Variants in TMEM38B observed in about 807,000 individuals in gnomAD.
The protein encoded by TMEM38B is trimeric intracellular cation channel type B.
In TMEM38B, 24 loss-of-function variants were observed where a neutral mutation model predicts 28.7. The observed-to-expected ratio is 0.84, with a 90% CI of 0.61 to 1.18. The LOEUF is 1.18. TMEM38B is among the 50% of genes most tolerant of loss of function. TMEM38B has a pLI of 0.00. For missense variants in TMEM38B, 380 were observed against 350.9 expected, an observed-to-expected ratio of 1.08 and a Z score of -0.66; for synonymous variants, 131 against 127.7, an observed-to-expected ratio of 1.03 and a Z score of -0.17.
intron 1 of TMEM38B, among the ~76,000 whole-genome samples, chr9:105,697,629 T>C (rs563056273): frequency 2.2e-4 from 34 of 152,322 alleles, no homozygotes; most frequent in African/African-American, 8.2e-4. Flanking sequence ...CTATTTACTG[T>C]CTTTGTGGAT....
intron 5 of TMEM38B, among the ~76,000 whole-genome samples, chr9:105,750,680 A>G (rs1468696529): frequency 6.6e-6 from 1 of 152,118 alleles, no homozygotes; most frequent in Admixed American, 6.5e-5. Context: ...CTCTTTTATT[A>G]TGTATTCTTT....
At chr9:105,748,645 G>T (rs1177779392) in intron 5 of TMEM38B, among the ~76,000 whole-genome samples, 1 of 152,136 alleles carries the variant, frequency 6.6e-6, no homozygotes, top group African/African-American at 2.4e-5. Context: ...AGATAGGTTA[G>T]AGACAGGCAG....
chr9:105,706,308 G>T (rs1244201641), intron 2 of TMEM38B, among the ~76,000 whole-genome samples: 1 of 152,128 alleles, frequency 6.6e-6, no homozygotes, highest in East Asian at 1.9e-4. Flanking sequence ...TTTTGTTGTT[G>T]TTGAGACATA....
intron 5 of TMEM38B, among the ~76,000 whole-genome samples, chr9:105,750,427 C>T (rs757913351): frequency 8.6e-5 from 13 of 151,968 alleles, no homozygotes; most frequent in Non-Finnish European, 1.6e-4. Flanking sequence ...AGTTTGAGAC[C>T]AGACTAGCCA....
intron 3 of TMEM38B, 97 bp downstream of exon 3, chr9:105,721,818 C>T (rs1380058204): frequency 2.1e-6 from 2 of 945,908 alleles, no homozygotes; most frequent in Non-Finnish European, 3.0e-6. Flanking sequence ...GGATCACATA[C>T]TTTAATAACA....
chr9:105,722,624 A>G lies in TMEM38B; in HGVS notation c.542+3A>G. The G allele has an allele frequency of 6.2e-7, 1 of 1,611,022 alleles. No homozygotes were observed. Among genetic ancestry groups the G allele is most frequent in the Non-Finnish European group, 8.5e-7 (1 of 1,177,432 alleles). On this transcript the variant is annotated splice_donor_region_variant and intron_variant, in intron 4 of 5. Transcript: ENST00000374692. ...GATGAATGGCTGAAGATGTCATAGT[A>G]AGTTGGTATAAATTATACTGAGACC...
At chr9:105,707,917 A>C (rs866407887) in intron 2 of TMEM38B, among the ~76,000 whole-genome samples, 40 of 152,190 alleles carry the variant, frequency 2.6e-4, no homozygotes, top group African/African-American at 8.7e-4. Flanking sequence ...CTATAACAAT[A>C]TTTTTAAAAG....
chr9:105,770,101 T>C (rs1826497069), intron 5 of TMEM38B, among the ~76,000 whole-genome samples: 1 of 152,164 alleles, frequency 6.6e-6, no homozygotes, highest in Non-Finnish European at 1.5e-5. Context: ...TGTATACATT[T>C]TATTCATTGA....
chr9:105,697,943 T>C (rs1348635288), intron 1 of TMEM38B, among the ~76,000 whole-genome samples: 1 of 152,190 alleles, frequency 6.6e-6, no homozygotes, highest in South Asian at 2.1e-4. Flanking sequence ...GTTGTATAGA[T>C]GTTCCTTTGC....
rs184465823 is a variant in TMEM38B at position 105,761,920 on chromosome 9, G to A, written c.661-11945G>A. 3.4e-3 allele frequency among the ~76,000 whole-genome samples: 523 copies of A among 152,118 alleles called. 2 individuals are homozygous for A. The highest frequency in any genetic ancestry group is 5.4e-3 in the Non-Finnish European group (365 of 67,992). The stretch of plus-strand genomic sequence containing the variant: ...GCACATTGACTTTATTTTTTCATTA[G>A]AAGAAAATGCTTGCCGAGTATAAAT... On this transcript the variant is annotated intron_variant, in intron 5 of 5. Transcript: ENST00000374692.
rs1588459778 is a variant in TMEM38B at position 105,753,431 on chromosome 9, C to CTG, written c.660+5241_660+5242insTG. Among the ~76,000 whole-genome samples, 3 of 152,044 alleles carry CTG rather than the reference C, an allele frequency of 2.0e-5. No individual in the cohort carries two copies. The East Asian group carries it at 5.8e-4, about 29-fold the overall frequency. The stretch of plus-strand genomic sequence containing the variant: ...CAGCCAGAGAGAAAAACCAGGTCAC[C>CTG]ATCAAAGGGAAACCCAGCAGACTAA... On this transcript the variant is annotated intron_variant, in intron 5 of 5. Coordinates refer to ENST00000374692, the MANE Select transcript of TMEM38B (RefSeq NM_018112.3).
chr9:105,740,300 G>A (rs1588441319), intron 4 of TMEM38B, among the ~76,000 whole-genome samples: 2 of 119,326 alleles, frequency 1.7e-5, no homozygotes, highest in Non-Finnish European at 3.3e-5. Context: ...TTGCTCTGTT[G>A]CCCAGGCCAG....
intron 4 of TMEM38B, 68 bp from the exon 5 acceptor site, chr9:105,748,005 A>G (rs1006686891): frequency 2.1e-5 from 22 of 1,042,732 alleles, no homozygotes; most frequent in African/African-American, 2.1e-4. Flanking sequence ...TTTGCAGTGC[A>G]CTCTTTGAGA....
rs1835625918 is a variant in TMEM38B at position 105,705,577 on chromosome 9, A to AT, written c.113-16dup. ...TAAATGTATAATGATCACAGACCATATTTTACTTTACCATTTCAGGAGCAG... is the reference window on the plus strand; with the variant it reads ...TAAATGTATAATGATCACAGACCATATTTTTACTTTACCATTTCAGGAGCAG... On this transcript the variant is annotated intron_variant, in intron 1 of 5. Coordinates refer to ENST00000374692, the MANE Select transcript of TMEM38B (RefSeq NM_018112.3). 6.2e-7 allele frequency: 1 copy of AT among 1,605,810 alleles called. No individual in the cohort carries two copies. Among genetic ancestry groups the AT allele is most frequent in the Non-Finnish European group, 8.5e-7 (1 of 1,174,950 alleles).
At chr9:105,723,145 G>C (rs948453164) in intron 4 of TMEM38B, among the ~76,000 whole-genome samples, 8 of 152,150 alleles carry the variant, frequency 5.3e-5, no homozygotes, top group African/African-American at 1.7e-4. Context: ...AGAAAGATTA[G>C]AGAAATAACC....
intron 2 of TMEM38B, among the ~76,000 whole-genome samples, chr9:105,715,631 T>G (rs111804431): frequency 4.8e-4 from 73 of 152,272 alleles, no homozygotes; most frequent in Admixed American, 9.8e-4. Flanking sequence ...TTTCTCCTGC[T>G]GTTTCTTTGA....
At chr9:105,747,615 C>T (rs10816318) in intron 4 of TMEM38B, among the ~76,000 whole-genome samples, 31,757 of 152,002 alleles carry the variant, frequency 0.21, 5,126 homozygotes, top group East Asian at 0.46. Flanking sequence ...TTGCCTTCTG[C>T]TAGCTTTTGA....
intron 5 of TMEM38B, among the ~76,000 whole-genome samples, chr9:105,757,923 G>A (rs76612255): frequency 1.3e-5 from 2 of 152,356 alleles, no homozygotes; most frequent in East Asian, 3.9e-4. Context: ...ATCTGACAAG[G>A]TTGAAGATCC....
intron 2 of TMEM38B, among the ~76,000 whole-genome samples, chr9:105,713,041 G>T (rs1366152553): frequency 6.6e-6 from 1 of 152,254 alleles, no homozygotes; most frequent in Non-Finnish European, 1.5e-5. Context: ...GCACCACGGA[G>T]CAGAGGGAGC....
Sources: gnomAD v4.1 joint callset for allele counts (sites outside exome capture counted in the v4.1 genomes callset) on GRCh38, gnomAD v4.1.1 for gene constraint, MANE v1.5 for transcripts, NCBI Gene and HGNC (gene_info 2026-07-23, HGNC 2026-07-21) for gene names.